Variants in TENM3 observed in about 807,000 individuals in gnomAD.
The protein encoded by TENM3 is teneurin transmembrane protein 3.
Under a neutral mutation model 255.1 loss-of-function variants are expected in TENM3, and 63 were observed. The observed-to-expected ratio is 0.25, with a 90% CI of 0.20 to 0.30. The LOEUF (loss-of-function observed/expected upper bound fraction) is 0.30, where lower values mean the gene tolerates loss of function less well. Among genes scored for constraint, TENM3 ranks in the 10% least tolerant of loss-of-function variants. The probability of loss-of-function intolerance (pLI) is 1.00; values close to 1 mark genes in which losing one functional copy is unlikely to be tolerated. For missense variants in TENM3, 2,929 were observed against 3,461.1 expected (o/e 0.85, Z 3.86); for synonymous variants, 1,306 against 1,322.3 (o/e 0.99, Z 0.27).
the TENM3 span, among the ~76,000 whole-genome samples, chr4:181,524,709 G>A: frequency 0.029 from 4,397 of 152,128 alleles, 109 homozygotes; most frequent in East Asian, 0.071. Flanking sequence ...AACAGAACAG[G>A]GGCCATTAAT....
the TENM3 span, among the ~76,000 whole-genome samples, chr4:181,927,410 G>C: frequency 6.6e-6 from 1 of 152,218 alleles, no homozygotes; most frequent in Non-Finnish European, 1.5e-5. Context: ...CCGCCAGGGA[G>C]TTCAAACTGG....
At chr4:181,627,896 C>G in the TENM3 span, among the ~76,000 whole-genome samples, 7 of 152,158 alleles carry the variant, frequency 4.6e-5, no homozygotes, top group African/African-American at 1.4e-4. Flanking sequence ...GTTCTAGATC[C>G]TTGAGGAATC....
intron 3 of TENM3, among the ~76,000 whole-genome samples, chr4:182,404,306 C>G (rs1359963002): frequency 6.6e-6 from 1 of 152,168 alleles, no homozygotes; most frequent in Non-Finnish European, 1.5e-5. Flanking sequence ...AGTATTCAAT[C>G]TAAATCCTCC....
chr4:182,361,414 C>T lies in TENM3; in HGVS notation c.511+14485C>T, dbSNP rs549553619. Among the ~76,000 whole-genome samples the T allele has an allele frequency of 9.2e-5, 14 of 152,218 alleles. 1 individual carries two copies. In the South Asian group the frequency reaches 2.7e-3, roughly 29 times the overall value. On this transcript the variant is annotated intron_variant, in intron 3 of 27. Transcript: ENST00000511685. ...TCCCATATTTCTTGGAGGCTTTGTTCGTTTCTCTTTATTCTTTTTTCTCTA... is the reference window on the plus strand; with the variant it reads ...TCCCATATTTCTTGGAGGCTTTGTTTGTTTCTCTTTATTCTTTTTTCTCTA...
the TENM3 span, among the ~76,000 whole-genome samples, chr4:182,114,864 T>C: frequency 6.6e-6 from 1 of 152,130 alleles, no homozygotes; most frequent in Non-Finnish European, 1.5e-5. Context: ...TTTTATTTTT[T>C]AAAATAGGGA....
chr4:182,495,694 G>T (rs529985950), intron 3 of TENM3, among the ~76,000 whole-genome samples: 102 of 152,300 alleles, frequency 6.7e-4, no homozygotes, highest in African/African-American at 2.3e-3. Context: ...TTTAGCTACT[G>T]TAGTTTTCGT....
At chr4:182,263,655 T>C (rs1375364685) in intron 1 of TENM3, among the ~76,000 whole-genome samples, 3 of 152,124 alleles carry the variant, frequency 2.0e-5, no homozygotes, top group East Asian at 3.9e-4. Flanking sequence ...CCTGCAATGG[T>C]AGGTCTTCCT....
chr4:182,411,554 A>G (rs1223499533), intron 3 of TENM3, among the ~76,000 whole-genome samples: 1 of 152,166 alleles, frequency 6.6e-6, no homozygotes, highest in Non-Finnish European at 1.5e-5. Context: ...ATATTCACAT[A>G]TGGGTAAGTC....
intron 19 of TENM3, chr4:182,744,223 T>TAAAAA: frequency 3.4e-6 from 3 of 889,102 alleles, no homozygotes; most frequent in Non-Finnish European, 4.1e-6. Flanking sequence ...CATTTCAATG[T>TAAAAA]GACCCTCTGA....
chr4:182,194,643 A>T (rs1753726293), intron 1 of TENM3, among the ~76,000 whole-genome samples: 1 of 152,230 alleles, frequency 6.6e-6, no homozygotes, highest in Non-Finnish European at 1.5e-5. Flanking sequence ...CATGCCAGCC[A>T]GCCAGACTAA....
the TENM3 span, among the ~76,000 whole-genome samples, chr4:182,101,421 C>A: frequency 6.6e-6 from 1 of 152,106 alleles, no homozygotes; most frequent in African/African-American, 2.4e-5. Flanking sequence ...GGGTGAAACT[C>A]AAACTCCAAG....
At chr4:182,430,644 G>T (rs556168242) in intron 3 of TENM3, among the ~76,000 whole-genome samples, 1 of 152,178 alleles carries the variant, frequency 6.6e-6, no homozygotes, top group Non-Finnish European at 1.5e-5. Context: ...CGCTGCTCAT[G>T]TGTGTCCTCC....
At chr4:182,251,312 TAAA>T (rs1423215451) in intron 1 of TENM3, among the ~76,000 whole-genome samples, 2 of 151,204 alleles carry the variant, frequency 1.3e-5, no homozygotes, top group African/African-American at 4.9e-5. Context: ...TCTACAAAAA[TAAA>T]AAATTATCCA....
the TENM3 span, among the ~76,000 whole-genome samples, chr4:181,696,662 G>A: frequency 1.3e-5 from 2 of 152,190 alleles, no homozygotes; most frequent in African/African-American, 2.4e-5. Flanking sequence ...GCCTAGCACA[G>A]GGCCTGGCCC....
At chr4:181,778,857 A>G in the TENM3 span, among the ~76,000 whole-genome samples, 9 of 152,172 alleles carry the variant, frequency 5.9e-5, no homozygotes, top group East Asian at 3.9e-4. Context: ...GAATGTCCTT[A>G]TTGGGTGTAT....
At chr4:182,603,784 T>TATATATATATATATATATAC (rs58332965) in intron 4 of TENM3, among the ~76,000 whole-genome samples, 8 of 134,158 alleles carry the variant, frequency 6.0e-5, no homozygotes, top group African/African-American at 1.6e-4. Context: ...TATATATATA[T>TATATATATATATATATATAC]ACACACACAC....
intron 3 of TENM3, among the ~76,000 whole-genome samples, chr4:182,448,821 G>C (rs936100962): frequency 5.3e-5 from 8 of 151,796 alleles, no homozygotes; most frequent in African/African-American, 1.9e-4. Context: ...TGAGGCGAGG[G>C]GGTGAGGCGG....
chr4:182,395,106 C>A (rs114628797), intron 3 of TENM3, among the ~76,000 whole-genome samples: 1 of 152,162 alleles, frequency 6.6e-6, no homozygotes, highest in Non-Finnish European at 1.5e-5. Flanking sequence ...CAAAGATAAT[C>A]GTGCTGATGA....
chr4:182,202,505 A>G (rs1179185916), intron 1 of TENM3, among the ~76,000 whole-genome samples: 3 of 152,016 alleles, frequency 2.0e-5, no homozygotes, highest in Non-Finnish European at 4.4e-5. Flanking sequence ...GGGTTTCTCC[A>G]TGTTGGTCAG....
Sources: gnomAD v4.1 joint callset for allele counts (sites outside exome capture counted in the v4.1 genomes callset) on GRCh38, gnomAD v4.1.1 for gene constraint, MANE v1.5 for transcripts, NCBI Gene and HGNC (gene_info 2026-07-23, HGNC 2026-07-21) for gene names.